Variants in LRRC7 observed in about 807,000 individuals in gnomAD.
LRRC7 encodes the protein leucine rich repeat containing 7, also known as leucine-rich repeat-containing protein 7.
In LRRC7, 23 loss-of-function variants were observed where a neutral mutation model predicts 175.7. The ratio of observed to expected loss-of-function variants is 0.13; its 90% confidence interval spans 0.09 to 0.19. LRRC7 has a LOEUF of 0.19. Among genes scored for constraint, LRRC7 ranks in the 10% least tolerant of loss-of-function variants. LRRC7 has a pLI of 1.00. For synonymous variants in LRRC7, 685 were observed against 680.9 expected (o/e 1.01, Z -0.09); for missense variants, 1,354 against 1,904.7 (o/e 0.71, Z 5.38).
rs1666352763 is a variant in LRRC7, at chr1:70,124,436, C to A, written c.*2549C>A. The stretch of plus-strand genomic sequence containing the variant: ...ATTTGGGAGGCTGAGGCATGAGAAT[C>A]AATCGCTTGACCTGGGAGGCGGAGG... On this transcript the variant is annotated 3_prime_UTR_variant, in exon 27 of 27. Coordinates refer to ENST00000651989, the MANE Select transcript of LRRC7 (RefSeq NM_001370785.2). Among the ~76,000 whole-genome samples the A allele has an allele frequency of 6.6e-6, 1 of 152,124 alleles. No individual in the cohort carries two copies. The highest frequency in any genetic ancestry group is 1.5e-5 in the Non-Finnish European group (1 of 68,022).
chr1:69,865,428 C>CCTTGAGAG (rs1221506657), intron 7 of LRRC7, among the ~76,000 whole-genome samples: 1 of 145,684 alleles, frequency 6.9e-6, no homozygotes, highest in East Asian at 2.0e-4. Context: ...GAACTAAGGC[C>CCTTGAGAG]CTTGAGAGCA....
intron 13 of LRRC7, among the ~76,000 whole-genome samples, chr1:70,016,123 T>C (rs188209408): frequency 1.2e-3 from 184 of 151,636 alleles, no homozygotes; most frequent in Non-Finnish European, 2.1e-3. Flanking sequence ...AGGGAGAGAG[T>C]ATGCCAGAAA....
At chr1:69,645,008 C>G (rs1474875679) in intron 1 of LRRC7, among the ~76,000 whole-genome samples, 3 of 151,924 alleles carry the variant, frequency 2.0e-5, no homozygotes, top group African/African-American at 7.2e-5. Flanking sequence ...AAATCTATAG[C>G]TAATGTCAGA....
At chr1:69,578,846 G>A (rs1334963026) in intron 1 of LRRC7, among the ~76,000 whole-genome samples, 1 of 150,014 alleles carries the variant, frequency 6.7e-6, no homozygotes, top group African/African-American at 2.5e-5. Flanking sequence ...AATGCTAAAT[G>A]ACGAGTTAAT....
intron 1 of LRRC7, 70 bp from the exon 2 acceptor site, chr1:69,678,311 G>A: frequency 9.0e-7 from 1 of 1,109,806 alleles, no homozygotes; most frequent in Non-Finnish European, 1.3e-6. Flanking sequence ...TTGAATTTTA[G>A]ACCATTTAAC....
Position 69,947,288 on chromosome 1 carries a change from C to A in LRRC7, c.711+15718C>A, listed in dbSNP as rs1397380529. Among the ~76,000 whole-genome samples the A allele has an allele frequency of 2.0e-5, 3 of 151,706 alleles. No homozygotes were observed. The East Asian group carries it at 5.8e-4, about 29-fold the overall frequency. On this transcript the variant is annotated intron_variant, in intron 8 of 26. Coordinates refer to ENST00000651989, the MANE Select transcript of LRRC7 (RefSeq NM_001370785.2). ...ACTGATGGAGAAGGACTTAGTATTG[C>A]CATTTTGTTAAGTATTTTATCCCTG...
chr1:69,819,577 CTGTGTGTGTGTGTG>C lies in LRRC7; in HGVS notation c.422-6145_422-6132del, dbSNP rs71071379. 6.6e-4 allele frequency among the ~76,000 whole-genome samples: 76 copies of C among 114,964 alleles called. 1 individual carries two copies. The East Asian group carries it at 0.014, about 21-fold the overall frequency. The allele number at this position is 114,964 out of a possible 152,430, so 75.4% of individuals were successfully genotyped here. A position where few individuals can be genotyped will look rare whatever the true frequency, so the allele number is the denominator to read the frequency against. On this transcript the variant is annotated intron_variant, in intron 4 of 26. Transcript: ENST00000651989. ...ATGCTCTCTCTCTCTCTCTCTCTCT[CTGTGTGTGTGTGTG>C]TGTGTGTGTGTGTGTGTGTGTGTGT...
At chr1:69,829,535 C>G (rs1680299708) in intron 5 of LRRC7, among the ~76,000 whole-genome samples, 1 of 151,874 alleles carries the variant, frequency 6.6e-6, no homozygotes, top group Non-Finnish European at 1.5e-5. Context: ...AGTAACCCTA[C>G]TGATCTATCA....
At chr1:69,798,170 T>A (rs1257708056) in intron 4 of LRRC7, among the ~76,000 whole-genome samples, 1 of 152,138 alleles carries the variant, frequency 6.6e-6, no homozygotes, top group African/African-American at 2.4e-5. Flanking sequence ...TCTGCCCTCC[T>A]CGGCCTCCCA....
chr1:69,568,747 G>A, intron 1 of LRRC7, 106 bp downstream of exon 1: 1 of 777,712 alleles, frequency 1.3e-6, no homozygotes, highest in Non-Finnish European at 1.7e-6. Flanking sequence ...CGGGGGCGGG[G>A]GTGGCAGGGC....
intron 7 of LRRC7, among the ~76,000 whole-genome samples, chr1:69,870,120 A>C (rs1570427992): frequency 6.6e-6 from 1 of 152,268 alleles, no homozygotes; most frequent in East Asian, 1.9e-4. Context: ...TGGGGCAATG[A>C]ATGAATGGTT....
chr1:69,709,025 C>T (rs78548637), intron 2 of LRRC7, among the ~76,000 whole-genome samples: 2,858 of 152,256 alleles, frequency 0.019, 73 homozygotes, highest in African/African-American at 0.065. Flanking sequence ...TACAAAAAGG[C>T]TTCCCTGTTA....
intron 2 of LRRC7, among the ~76,000 whole-genome samples, chr1:69,756,006 C>T (rs1002285340): frequency 3.3e-5 from 5 of 151,736 alleles, no homozygotes; most frequent in African/African-American, 1.2e-4. Context: ...ACTCAAATAA[C>T]ACAGGGACCA....
chr1:70,026,466 A>G (rs1417474740), intron 17 of LRRC7, among the ~76,000 whole-genome samples: 2 of 152,122 alleles, frequency 1.3e-5, no homozygotes, highest in Admixed American at 1.3e-4. Flanking sequence ...TAAACAACAG[A>G]TCTAAGAATG....
chr1:70,104,909 A>G (rs2102207245), intron 25 of LRRC7, among the ~76,000 whole-genome samples: 1 of 152,334 alleles, frequency 6.6e-6, no homozygotes, highest in East Asian at 1.9e-4. Context: ...GAGCTAAAGA[A>G]AGGCAATCAA....
At chr1:69,870,536 C>T (rs550050616) in intron 7 of LRRC7, among the ~76,000 whole-genome samples, 3 of 152,128 alleles carry the variant, frequency 2.0e-5, no homozygotes, top group East Asian at 3.9e-4. Context: ...CATCTCCCAA[C>T]AATCCCCTCC....
At chr1:69,778,873 TACACACACATACAC>T (rs1381398542) in intron 3 of LRRC7, among the ~76,000 whole-genome samples, 3 of 150,206 alleles carry the variant, frequency 2.0e-5, no homozygotes, top group Non-Finnish European at 4.4e-5. Context: ...AACAAATATA[TACACACACATACAC>T]ACACACACAT....
At chr1:69,738,993 AG>A (rs1396721025) in intron 2 of LRRC7, among the ~76,000 whole-genome samples, 5 of 152,072 alleles carry the variant, frequency 3.3e-5, no homozygotes, top group South Asian at 2.1e-4. Context: ...AGCAGCTTTT[AG>A]GTTACTGGGT....
intron 3 of LRRC7, among the ~76,000 whole-genome samples, chr1:69,785,060 A>G (rs1053767872): frequency 3.3e-5 from 5 of 152,144 alleles, no homozygotes; most frequent in African/African-American, 1.2e-4. Flanking sequence ...TGTCCTGTAG[A>G]ACAAGCTCAT....
Sources: allele counts gnomAD v4.1 joint callset (sites outside exome capture counted in the v4.1 genomes callset), GRCh38; gene constraint gnomAD v4.1.1; transcripts MANE v1.5; gene names NCBI Gene and HGNC (gene_info 2026-07-23, HGNC 2026-07-21).